ABCA1: variants seen among roughly 807,000 people sequenced by gnomAD.
ABCA1 encodes the protein phospholipid-transporting ATPase ABCA1.
A neutral mutation model predicts 262.5 loss-of-function variants in ABCA1; 133 were observed. The observed-to-expected ratio is 0.51, with a 90% CI of 0.44 to 0.59. ABCA1 has a LOEUF of 0.59. Among genes scored for constraint, ABCA1 ranks in the 20% least tolerant of loss-of-function variants. The pLI is 0.00. For missense variants in ABCA1, 2,452 were observed against 2,777.5 expected (o/e 0.88, Z 2.63); for synonymous variants, 1,022 against 1,043.5 (o/e 0.98, Z 0.40).
chr9:104,867,301 G>A (rs1162801742), intron 5 of ABCA1, among the ~76,000 whole-genome samples: 1 of 152,228 alleles, frequency 6.6e-6, no homozygotes, highest in Admixed American at 6.5e-5. Flanking sequence ...TCATTGGACT[G>A]AGCTAGGTGT....
At chr9:104,857,083 T>A (rs377279439) in intron 7 of ABCA1, among the ~76,000 whole-genome samples, 1 of 152,126 alleles carries the variant, frequency 6.6e-6, no homozygotes, top group Non-Finnish European at 1.5e-5. Context: ...GGTGGGCAGA[T>A]CACTTGAGCT....
At chr9:104,865,878 G>A (rs1227209251) in intron 5 of ABCA1, among the ~76,000 whole-genome samples, 1 of 152,162 alleles carries the variant, frequency 6.6e-6, no homozygotes, top group Admixed American at 6.5e-5. Flanking sequence ...CACAGTCCCT[G>A]CCTTCGAGGA....
chr9:104,788,211 C>T (rs908119321), intron 45 of ABCA1, among the ~76,000 whole-genome samples, 157 bp from the exon 46 acceptor site: 1 of 152,204 alleles, frequency 6.6e-6, no homozygotes, highest in African/African-American at 2.4e-5. Flanking sequence ...AGAAGGGACT[C>T]GTGTGGTGGG....
chr9:104,827,628 ACTCTTGTGGATATTTTGAGCCTAT>A (rs1832918539), intron 15 of ABCA1, among the ~76,000 whole-genome samples: 2 of 151,844 alleles, frequency 1.3e-5, no homozygotes, highest in African/African-American at 4.8e-5. Context: ...AATCATCCAA[ACTCTTGTGGATATTTTGAGCCTAT>A]CTCCGGCTGA....
intron 1 of ABCA1, among the ~76,000 whole-genome samples, chr9:104,922,667 C>G (rs1035722132): frequency 3.9e-5 from 6 of 152,160 alleles, no homozygotes; most frequent in Non-Finnish European, 5.9e-5. Flanking sequence ...ATTCATTACA[C>G]CAATTAATAA....
chr9:104,783,986 A>G lies in ABCA1; in HGVS notation c.*329T>C, dbSNP rs1280497287. 3.9e-6 allele frequency: 1 copy of G among 257,136 alleles called. No individual in the cohort carries two copies. The highest frequency in any genetic ancestry group is 8.6e-5 in the East Asian group (1 of 11,664). 15.9% of individuals were successfully genotyped at this position (257,136 alleles called of 1,614,324 possible). ...ATTGTTGCAACCCCAATGAGAATACACAGGAACAAAAAAAAAAAAAAAAGT... is the reference window on the plus strand; with the variant it reads ...ATTGTTGCAACCCCAATGAGAATACGCAGGAACAAAAAAAAAAAAAAAAGT... On this transcript the variant is annotated 3_prime_UTR_variant, in exon 50 of 50. Transcript: ENST00000374736.
At chr9:104,804,536 T>A in intron 32 of ABCA1, 90 bp downstream of exon 32, 1 of 1,043,310 alleles carries the variant, frequency 9.6e-7, no homozygotes, top group Non-Finnish European at 1.5e-6. Context: ...AATCTGGCAT[T>A]TCCCCCACTG....
intron 31 of ABCA1, among the ~76,000 whole-genome samples, chr9:104,805,520 G>GA (rs562967586): frequency 2.3e-4 from 34 of 148,926 alleles, no homozygotes; most frequent in African/African-American, 6.6e-4. Context: ...AAATTCTCAA[G>GA]AAAAAAAAAA....
chr9:104,866,534 G>A (rs994404360), intron 5 of ABCA1, among the ~76,000 whole-genome samples: 3 of 151,630 alleles, frequency 2.0e-5, no homozygotes, highest in African/African-American at 7.3e-5. Flanking sequence ...AGGCTGGAGT[G>A]AAGTGGCCCG....
At chr9:104,800,039 G>A in intron 35 of ABCA1, 51 bp from the exon 36 acceptor site, 1 of 1,605,666 alleles carries the variant, frequency 6.2e-7, no homozygotes. Flanking sequence ...CCGGGCTCCT[G>A]CAGGCAGGTG....
intron 1 of ABCA1, among the ~76,000 whole-genome samples, chr9:104,921,234 G>A (rs1213510692): frequency 6.6e-6 from 1 of 152,112 alleles, no homozygotes; most frequent in African/African-American, 2.4e-5. Context: ...AGACTAACCA[G>A]ATAAAATGTT....
At chr9:104,915,916 A>G (rs1217366308) in intron 1 of ABCA1, among the ~76,000 whole-genome samples, 1 of 152,210 alleles carries the variant, frequency 6.6e-6, no homozygotes, top group Non-Finnish European at 1.5e-5. Context: ...CTGGGGTCAG[A>G]GTGCCATGCC....
At chr9:104,911,242 C>T (rs1014911415) in intron 1 of ABCA1, among the ~76,000 whole-genome samples, 13 of 152,140 alleles carry the variant, frequency 8.5e-5, no homozygotes, top group African/African-American at 3.1e-4. Context: ...GCAAGAATCA[C>T]AGATATGACT....
intron 7 of ABCA1, chr9:104,856,024 G>T (rs1045874703): frequency 6.2e-7 from 1 of 1,612,584 alleles, no homozygotes; most frequent in African/African-American, 1.3e-5. Flanking sequence ...TCCGGTTGCT[G>T]CTACTGCTGC....
At chr9:104,855,076 A>C (rs1051389838) in intron 7 of ABCA1, 3 of 813,324 alleles carry the variant, frequency 3.7e-6, no homozygotes, top group Non-Finnish European at 3.0e-6. Flanking sequence ...CATAAATAAG[A>C]ATCTTTGGGT....
chr9:104,915,572 A>C (rs1175685803), intron 1 of ABCA1, among the ~76,000 whole-genome samples: 2 of 152,198 alleles, frequency 1.3e-5, no homozygotes, highest in African/African-American at 4.8e-5. Context: ...GTCTGAGAGG[A>C]TCCTACAAAA....
At chr9:104,918,893 C>T (rs2118525864) in intron 1 of ABCA1, among the ~76,000 whole-genome samples, 1 of 152,298 alleles carries the variant, frequency 6.6e-6, no homozygotes, top group Middle Eastern at 3.4e-3. Flanking sequence ...CTTGCTTCTT[C>T]AAGAAAACAA....
At chr9:104,906,793 A>C (rs1160692120) in intron 1 of ABCA1, among the ~76,000 whole-genome samples, 2 of 151,514 alleles carry the variant, frequency 1.3e-5, no homozygotes, top group Non-Finnish European at 2.9e-5. Context: ...AGTACTATGT[A>C]CTAGATTTCT....
chr9:104,903,265 G>C (rs545316379), intron 2 of ABCA1, among the ~76,000 whole-genome samples: 2 of 152,142 alleles, frequency 1.3e-5, no homozygotes, highest in Non-Finnish European at 2.9e-5. Flanking sequence ...AGAAATACAG[G>C]GGCCCATTAG....
Sources: gnomAD v4.1 joint callset for allele counts (sites outside exome capture counted in the v4.1 genomes callset) on GRCh38, gnomAD v4.1.1 for gene constraint, MANE v1.5 for transcripts, NCBI Gene and HGNC (gene_info 2026-07-23, HGNC 2026-07-21) for gene names.